IMPG1: variants seen among roughly 807,000 people sequenced by gnomAD.
IMPG1 encodes the protein interphotoreceptor matrix proteoglycan of 150 kDa.
In IMPG1, 85 loss-of-function variants were observed where a neutral mutation model predicts 92.0. The observed-to-expected ratio is 0.92, with a 90% CI of 0.78 to 1.11. IMPG1 has a LOEUF of 1.11. IMPG1 is among the 50% of genes least tolerant of loss of function. The pLI is 0.00. For missense variants in IMPG1, 1,022 were observed against 956.0 expected, an observed-to-expected ratio of 1.07 and a Z score of -0.91; for synonymous variants, 367 against 334.1, an observed-to-expected ratio of 1.10 and a Z score of -1.08.
At chr6:75,964,429 A>G (rs999373316) in intron 12 of IMPG1, among the ~76,000 whole-genome samples, 1 of 152,138 alleles carries the variant, frequency 6.6e-6, no homozygotes. Flanking sequence ...CTGTAATCTC[A>G]GCACTTTGGG....
rs10706748 is a variant in IMPG1 at position 76,064,370 on chromosome 6, CTT to C, written c.67+8050_67+8051del. 6.2e-3 allele frequency among the ~76,000 whole-genome samples: 802 copies of C among 130,340 alleles called. 3 individuals carry two copies. Among genetic ancestry groups the C allele is most frequent in the African/African-American group, 8.2e-3 (285 of 34,918 alleles). 85.5% of individuals were successfully genotyped at this position (130,340 alleles called of 152,430 possible). A position where few individuals can be genotyped will look rare whatever the true frequency, so the allele number is the denominator to read the frequency against. ...AGCCATGGGGCAACCATTTTTTTTT[CTT>C]TTTTTTTTTTTTTTAATGGCCATTG... On this transcript the variant is annotated intron_variant, in intron 1 of 16. Transcript: ENST00000369950.
intron 12 of IMPG1, among the ~76,000 whole-genome samples, chr6:75,964,444 A>C (rs547978212): frequency 2.0e-5 from 3 of 152,190 alleles, no homozygotes; most frequent in African/African-American, 7.2e-5. Context: ...TTTGGGAGGC[A>C]GGGGCAGGCA....
chr6:76,037,615 C>T (rs1182342900), intron 2 of IMPG1, among the ~76,000 whole-genome samples: 3 of 152,190 alleles, frequency 2.0e-5, no homozygotes, highest in Non-Finnish European at 4.4e-5. Context: ...TCAGATTTGT[C>T]CAGACCCTAA....
chr6:76,040,539 T>C (rs779508489), intron 2 of IMPG1, among the ~76,000 whole-genome samples: 1 of 152,200 alleles, frequency 6.6e-6, no homozygotes, highest in Non-Finnish European at 1.5e-5. Context: ...TTGCATTCTG[T>C]GTCCACCAAC....
At chr6:76,022,289 ATTCAATATGCT>A in intron 5 of IMPG1, 70 bp from the exon 6 acceptor site, 1 of 772,648 alleles carries the variant, frequency 1.3e-6, no homozygotes, top group Middle Eastern at 2.6e-4. Context: ...CGAGGTCAAA[ATTCAATATGCT>A]TTTTCTGTCA....
In IMPG1 at chr6:75,942,502, C is replaced by T. The variant is rs1243691408; in HGVS notation, c.2044+4812G>A. On this transcript the variant is annotated intron_variant, in intron 14 of 16. Coordinates refer to ENST00000369950, the MANE Select transcript of IMPG1 (RefSeq NM_001563.4). ...CCTTCTGTAACTGAAAAGTCCACACCAGCAATAGAGCCAAGAGCTGTGTAA... is the reference window on the plus strand; with the variant it reads ...CCTTCTGTAACTGAAAAGTCCACACTAGCAATAGAGCCAAGAGCTGTGTAA... Among the ~76,000 whole-genome samples the T allele has an allele frequency of 2.0e-5, 3 of 152,256 alleles. No homozygotes were observed. The South Asian group carries it at 6.2e-4, about 32-fold the overall frequency.
At chr6:75,951,961 T>C (rs943548922) in intron 12 of IMPG1, among the ~76,000 whole-genome samples, 46 of 151,862 alleles carry the variant, frequency 3.0e-4, no homozygotes, top group Admixed American at 1.3e-4. Context: ...ATAATAATAA[T>C]AATAAAATAC....
chr6:76,016,244 C>G (rs1262422189), intron 7 of IMPG1, among the ~76,000 whole-genome samples: 3 of 152,164 alleles, frequency 2.0e-5, no homozygotes, highest in African/African-American at 7.2e-5. Flanking sequence ...TTGGCAAAAA[C>G]AGGACTAGAA....
intron 1 of IMPG1, among the ~76,000 whole-genome samples, chr6:76,060,167 A>C (rs1784181046): frequency 6.6e-6 from 1 of 152,216 alleles, no homozygotes; most frequent in Non-Finnish European, 1.5e-5. Flanking sequence ...GAAGAAAATG[A>C]AGTCGGAATG....
chr6:76,023,069 G>T (rs1329171772), intron 5 of IMPG1, among the ~76,000 whole-genome samples: 2 of 152,202 alleles, frequency 1.3e-5, no homozygotes, highest in African/African-American at 4.8e-5. Context: ...GTCACTGTGA[G>T]GCTCTGTGAA....
intron 12 of IMPG1, among the ~76,000 whole-genome samples, chr6:75,990,178 T>C (rs2149472832): frequency 6.6e-6 from 1 of 152,344 alleles, no homozygotes; most frequent in South Asian, 2.1e-4. Context: ...TTAGATGATA[T>C]TTAGTAAGCA....
At chr6:76,065,096 G>A (rs1466394542) in intron 1 of IMPG1, among the ~76,000 whole-genome samples, 1 of 151,908 alleles carries the variant, frequency 6.6e-6, no homozygotes, top group Non-Finnish European at 1.5e-5. Context: ...AAAAAATCCT[G>A]TCCAAATGCA....
intron 12 of IMPG1, among the ~76,000 whole-genome samples, chr6:75,982,855 T>G (rs1382015595): frequency 6.6e-6 from 1 of 152,034 alleles, no homozygotes; most frequent in South Asian, 2.1e-4. Context: ...AAAGAAAGGG[T>G]GAGGAACACC....
At chr6:75,972,956 A>G (rs1349081014) in intron 12 of IMPG1, among the ~76,000 whole-genome samples, 1 of 152,154 alleles carries the variant, frequency 6.6e-6, no homozygotes, top group Non-Finnish European at 1.5e-5. Flanking sequence ...ATCAGTGTTT[A>G]ATGGCTTGCT....
chr6:75,948,099 C>A (rs1270022843), intron 13 of IMPG1, among the ~76,000 whole-genome samples: 1 of 152,186 alleles, frequency 6.6e-6, no homozygotes, highest in African/African-American at 2.4e-5. Context: ...GGTGCCAGTC[C>A]TAGAACTGTC....
intron 15 of IMPG1, among the ~76,000 whole-genome samples, chr6:75,927,907 G>A (rs73464836): frequency 2.3e-3 from 354 of 152,178 alleles, no homozygotes; most frequent in African/African-American, 7.9e-3. Context: ...GGCACAGGTG[G>A]AGGAAGTAGA....
chr6:76,031,479 A>G (rs1337784710), intron 4 of IMPG1, among the ~76,000 whole-genome samples: 1 of 152,238 alleles, frequency 6.6e-6, no homozygotes, highest in Non-Finnish European at 1.5e-5. Context: ...ATCAGAACAG[A>G]TGTTAGTTGT....
intron 1 of IMPG1, among the ~76,000 whole-genome samples, chr6:76,063,113 C>A (rs989443824): frequency 6.6e-6 from 1 of 151,476 alleles, no homozygotes; most frequent in Non-Finnish European, 1.5e-5. Flanking sequence ...CTGAGGCAGG[C>A]GAATCGCTGG....
chr6:76,067,695 A>T (rs955974698), intron 1 of IMPG1, among the ~76,000 whole-genome samples: 6 of 152,190 alleles, frequency 3.9e-5, no homozygotes, highest in African/African-American at 1.4e-4. Flanking sequence ...CTATGAAGCC[A>T]GTGTCACCCT....
Sources: allele counts gnomAD v4.1 joint callset (sites outside exome capture counted in the v4.1 genomes callset), GRCh38; gene constraint gnomAD v4.1.1; transcripts MANE v1.5; gene names NCBI Gene and HGNC (gene_info 2026-07-23, HGNC 2026-07-21).